Variants in PTPRS observed in about 807,000 individuals in gnomAD.
The protein encoded by PTPRS is receptor-type tyrosine-protein phosphatase S.
Under a neutral mutation model 215.3 loss-of-function variants are expected in PTPRS, and 63 were observed. The ratio of observed to expected loss-of-function variants is 0.29; its 90% CI spans 0.24 to 0.36. PTPRS has a LOEUF of 0.36. PTPRS is among the 10% of genes least tolerant of loss of function. PTPRS has a pLI of 1.00. For missense variants in PTPRS, 2,258 were observed against 2,825.8 expected (o/e 0.80, Z 4.56); for synonymous variants, 1,404 against 1,191.4 (o/e 1.18, Z -3.68).
chr19:5,228,543 C>T (rs1034493522), intron 16 of PTPRS, among the ~76,000 whole-genome samples: 1 of 151,948 alleles, frequency 6.6e-6, no homozygotes, highest in Non-Finnish European at 1.5e-5. Flanking sequence ...GGGGTTTTGC[C>T]CTGTTGGCCA....
intron 13 of PTPRS, among the ~76,000 whole-genome samples, chr19:5,235,846 G>C (rs931725966): frequency 6.6e-6 from 1 of 152,214 alleles, no homozygotes; most frequent in Admixed American, 6.5e-5. Context: ...GGAACTGTCT[G>C]TGTGTTAAAG....
At chr19:5,340,286 C>T (rs952171450) in intron 1 of PTPRS, among the ~76,000 whole-genome samples, 1 of 150,582 alleles carries the variant, frequency 6.6e-6, no homozygotes, top group African/African-American at 2.4e-5. Flanking sequence ...CGCGCGCCCC[C>T]CTCCGCGCCT....
intron 7 of PTPRS, among the ~76,000 whole-genome samples, chr19:5,260,344 TA>T (rs1274222864): frequency 6.6e-6 from 1 of 151,958 alleles, no homozygotes; most frequent in Non-Finnish European, 1.5e-5. Flanking sequence ...CATGCCCGGC[TA>T]ATTTTTGTGT....
intron 11 of PTPRS, among the ~76,000 whole-genome samples, chr19:5,242,991 T>C (rs551318454): frequency 2.6e-5 from 4 of 152,064 alleles, no homozygotes; most frequent in Non-Finnish European, 4.4e-5. Flanking sequence ...GGGTCCTATA[T>C]ATGTTTCTTA....
chr19:5,255,695 C>G (rs73545329), intron 9 of PTPRS, among the ~76,000 whole-genome samples: 1 of 152,060 alleles, frequency 6.6e-6, no homozygotes. Context: ...CAAACCAAAC[C>G]GACAAGAGAG....
chr19:5,332,345 C>G (rs1461367754), intron 1 of PTPRS, among the ~76,000 whole-genome samples: 1 of 152,164 alleles, frequency 6.6e-6, no homozygotes, highest in Non-Finnish European at 1.5e-5. Context: ...CCAGGCTGGT[C>G]TCAAACTTCT....
In PTPRS at chr19:5,225,607, T is replaced by C. The variant is rs536126830; in HGVS notation, c.2494+120A>G. ...CAGCCCTCACACCTTTGTCTCACTGTTCCAGCTGCCTGGTGCACCCTCTGC... is the reference window on the plus strand; with the variant it reads ...CAGCCCTCACACCTTTGTCTCACTGCTCCAGCTGCCTGGTGCACCCTCTGC... On this transcript the variant is annotated intron_variant, in intron 17 of 37. Transcript: ENST00000262963. 1.0e-5 allele frequency: 9 copies of C among 896,432 alleles called. No individual in the cohort carries two copies. In the African/African-American group the frequency reaches 1.5e-4, roughly 15 times the overall value. The allele number at this position is 896,432 out of a possible 1,614,324, so 55.5% of individuals were successfully genotyped here.
chr19:5,243,891 C>T lies in PTPRS; in HGVS notation c.1570+10G>A. 1 of 1,480,160 alleles carries T rather than the reference C, an allele frequency of 6.8e-7. No homozygotes were observed. Among genetic ancestry groups the T allele is most frequent in the Non-Finnish European group, 8.9e-7 (1 of 1,118,978 alleles). The allele number at this position is 1,480,160 out of a possible 1,614,324, so 91.7% of individuals were successfully genotyped here. ...CCGGGGCCCCGAGTCCTGCCGACCC[C>T]ACGCCTCACCTCCCTGCTGCGTCTT... is the stretch of plus-strand genomic sequence containing the variant. On this transcript the variant is annotated intron_variant, in intron 11 of 37. Coordinates refer to ENST00000262963, the MANE Select transcript of PTPRS (RefSeq NM_002850.4).
rs1177714244 is a variant in PTPRS, at chr19:5,237,706, C to T, written c.1849+1213G>A. Among the ~76,000 whole-genome samples, 1 of 152,180 alleles carries T rather than the reference C, an allele frequency of 6.6e-6. No individual in the cohort carries two copies. The highest frequency in any genetic ancestry group is 2.4e-5 in the African/African-American group (1 of 41,438). ...CAGCGTGTACTCACCTTCAGGACAC[C>T]TCAGCCAGTCTCTCAGGTGGCTGCC... is the stretch of plus-strand genomic sequence containing the variant. On this transcript the variant is annotated intron_variant, in intron 13 of 37. Coordinates refer to ENST00000262963, the MANE Select transcript of PTPRS (RefSeq NM_002850.4). This position sits in a 1 kb window ranked among gnomAD's most constrained non-coding sequence, Gnocchi z 4.2.
At chr19:5,242,815 G>A (rs913961872) in intron 11 of PTPRS, among the ~76,000 whole-genome samples, 1 of 152,120 alleles carries the variant, frequency 6.6e-6, no homozygotes, top group Non-Finnish European at 1.5e-5. Flanking sequence ...TCTCATCTCA[G>A]CCTTGAGTAG....
intron 1 of PTPRS, among the ~76,000 whole-genome samples, chr19:5,337,684 A>G (rs575105960): frequency 6.6e-6 from 1 of 152,276 alleles, no homozygotes; most frequent in Admixed American, 6.5e-5. Context: ...CGACCCAAAG[A>G]AGAAAAAAAT....
chr19:5,274,491 A>G, intron 2 of PTPRS, 147 bp from the exon 3 acceptor site: 3 of 1,043,420 alleles, frequency 2.9e-6, no homozygotes, highest in Non-Finnish European at 4.0e-6. Flanking sequence ...AGCAAGGATG[A>G]CAACAAACAC....
chr19:5,225,193 G>A (rs1448106566), intron 17 of PTPRS, among the ~76,000 whole-genome samples: 1 of 152,170 alleles, frequency 6.6e-6, no homozygotes, highest in Non-Finnish European at 1.5e-5. Flanking sequence ...GGGCCACCAA[G>A]AGAAAGGTGG....
At chr19:5,274,173 G>A (rs763936247) in intron 3 of PTPRS, 26 bp downstream of exon 3, 3 of 1,596,044 alleles carry the variant, frequency 1.9e-6, no homozygotes, top group South Asian at 1.1e-5. Context: ...ATTGACCCCA[G>A]GCTGCCTCCC....
chr19:5,219,314 T>C lies in PTPRS; in HGVS notation c.3919A>G (p.Lys1307Glu). The C allele has an allele frequency of 1.2e-6, 2 of 1,614,016 alleles. No individual in the cohort carries two copies. Among genetic ancestry groups the C allele is most frequent in the Non-Finnish European group, 1.7e-6 (2 of 1,179,978 alleles). ...CGGGGAGGACATGGGGCTTACTTCTTGTAGAGCAGGATAGCAATGACAATG... is the reference window on the plus strand; with the variant it reads ...CGGGGAGGACATGGGGCTTACTTCTCGTAGAGCAGGATAGCAATGACAATG... ...ICIVIAILLY[K>E]NKPDSKRKDS... The change falls in exon 23 of 38, where the codon AAG (lysine) becomes GAG (glutamate). Residue 1307 changes from lysine (K) to glutamate (E), a missense_variant. Lys to Glu is a moderately conservative substitution (Grantham distance 56). Around this residue, in one of 6 missense-constraint regions of PTPRS, gnomAD observed 927 missense variants for 1,125.9 expected, o/e 0.82. Coordinates refer to ENST00000262963, the MANE Select transcript of PTPRS (RefSeq NM_002850.4).
At chr19:5,327,915 A>G (rs2050213634) in intron 1 of PTPRS, among the ~76,000 whole-genome samples, 1 of 151,956 alleles carries the variant, frequency 6.6e-6, no homozygotes, top group African/African-American at 2.4e-5. Context: ...GTTGACTCTT[A>G]AAATCATCTG....
intron 1 of PTPRS, among the ~76,000 whole-genome samples, chr19:5,325,236 C>T (rs760088682): frequency 1.3e-5 from 2 of 152,258 alleles, no homozygotes; most frequent in Non-Finnish European, 2.9e-5. Flanking sequence ...TCTTGAAAGG[C>T]ATTTCCAGAA....
intron 4 of PTPRS, among the ~76,000 whole-genome samples, chr19:5,268,298 G>A (rs925930748): frequency 4.6e-5 from 7 of 152,112 alleles, no homozygotes; most frequent in Non-Finnish European, 7.3e-5. Flanking sequence ...GACAGAGACC[G>A]TCCAGCCTGT....
At chr19:5,263,258 G>C (rs2146343568) in intron 5 of PTPRS, among the ~76,000 whole-genome samples, 1 of 152,274 alleles carries the variant, frequency 6.6e-6, no homozygotes, top group African/African-American at 2.4e-5. Flanking sequence ...AGGCCTATGA[G>C]CTGCAAACAT....
Sources: allele counts gnomAD v4.1 joint callset (sites outside exome capture counted in the v4.1 genomes callset), GRCh38; gene constraint gnomAD v4.1.1; regional missense constraint gnomAD v4.1.1; non-coding constraint Gnocchi (gnomAD v3.1); transcripts MANE v1.5; gene names NCBI Gene and HGNC (gene_info 2026-07-23, HGNC 2026-07-21).